Variants in UNC13C observed in about 807,000 individuals in gnomAD.
The protein encoded by UNC13C is unc-13 homolog C, also known as protein unc-13 homolog C.
A neutral mutation model predicts 245.4 loss-of-function variants in UNC13C; 174 were observed. The observed-to-expected ratio is 0.71, with a 90% CI of 0.63 to 0.80. The LOEUF (loss-of-function observed/expected upper bound fraction) is 0.80, where lower values mean the gene tolerates loss of function less well. Among genes scored for constraint, UNC13C ranks in the 30% least tolerant of loss-of-function variants. The pLI, the probability that UNC13C is intolerant of heterozygous loss-of-function variation, is 0.00. For synonymous variants in UNC13C, 992 were observed against 895.1 expected, an observed-to-expected ratio of 1.11 and a Z score of -1.93; for missense variants, 2,829 against 2,602.9, an observed-to-expected ratio of 1.09 and a Z score of -1.89.
intron 13 of UNC13C, among the ~76,000 whole-genome samples, chr15:54,315,219 T>C (rs752455155): frequency 2.4e-4 from 37 of 151,934 alleles, no homozygotes; most frequent in Non-Finnish European, 5.0e-4. Flanking sequence ...GGTTTGGCCT[T>C]GACCTACTTT....
intron 20 of UNC13C, among the ~76,000 whole-genome samples, chr15:54,499,714 A>G (rs1894112515): frequency 6.6e-6 from 1 of 152,182 alleles, no homozygotes; most frequent in Non-Finnish European, 1.5e-5. Flanking sequence ...ATTAGTGTGA[A>G]TGGGTAGAAG....
At chr15:54,553,206 T>C (rs1198434337) in intron 28 of UNC13C, among the ~76,000 whole-genome samples, 4 of 115,360 alleles carry the variant, frequency 3.5e-5, no homozygotes, top group African/African-American at 1.4e-4. Flanking sequence ...CTGTATTCTA[T>C]ATTACAATAT....
chr15:54,245,634 C>T (rs1403571953), intron 7 of UNC13C, among the ~76,000 whole-genome samples: 1 of 152,048 alleles, frequency 6.6e-6, no homozygotes, highest in African/African-American at 2.4e-5. Context: ...ATTGCTCTGT[C>T]TTCATGTTTA....
rs564820185 is a variant in UNC13C at position 54,436,768 on chromosome 15, C to T, written c.4933+21701C>T. On this transcript the variant is annotated intron_variant, in intron 19 of 32. Transcript: ENST00000260323. Reference sequence around the variant, plus strand: ...ATGAGTGCAGCAAACCACCATGGCACGTGTATACCTATGTAACAAACCTGC... The same window carrying T: ...ATGAGTGCAGCAAACCACCATGGCATGTGTATACCTATGTAACAAACCTGC... 1.4e-4 allele frequency among the ~76,000 whole-genome samples: 21 copies of T among 151,730 alleles called. No individual in the cohort carries two copies. In the South Asian group the frequency reaches 2.3e-3, roughly 17 times the overall value.
intron 30 of UNC13C, among the ~76,000 whole-genome samples, chr15:54,570,780 C>A (rs1293238264): frequency 2.6e-5 from 4 of 152,120 alleles, no homozygotes. Flanking sequence ...AGATACAATA[C>A]TTATTTCTGT....
chr15:54,015,175 A>G lies in UNC13C; in HGVS notation c.2272A>G (p.Met758Val), dbSNP rs765152238. The change falls in exon 2 of 33, where the codon ATG becomes GTG. Residue 758 changes from methionine (M) to valine (V), a missense_variant. By Grantham distance (21) the Met-to-Val change is conservative. Transcript: ENST00000260323. ...ATACCAAAATCAAAACCAGTTGTCCATGATGTATCGAAGTCAAAGTGAATT... is the reference window on the plus strand; with the variant it reads ...ATACCAAAATCAAAACCAGTTGTCCGTGATGTATCGAAGTCAAAGTGAATT... ...ELYQNQNQLS[M>V]MYRSQSELQS... 6.2e-7 allele frequency: 1 copy of G among 1,612,906 alleles called. No individual in the cohort carries two copies. Among genetic ancestry groups the G allele is most frequent in the South Asian group, 1.1e-5 (1 of 90,860 alleles).
At chr15:54,244,441 T>C (rs2035939212) in intron 7 of UNC13C, among the ~76,000 whole-genome samples, 1 of 152,148 alleles carries the variant, frequency 6.6e-6, no homozygotes, top group Admixed American at 6.6e-5. Context: ...CTTAGGATTG[T>C]CTTGGTTATT....
intron 4 of UNC13C, among the ~76,000 whole-genome samples, chr15:54,201,950 A>G (rs1190437703): frequency 6.6e-6 from 1 of 152,066 alleles, no homozygotes; most frequent in Non-Finnish European, 1.5e-5. Flanking sequence ...AGAACTGGTA[A>G]ATGAATTCGG....
the UNC13C span, among the ~76,000 whole-genome samples, chr15:53,930,338 G>A: frequency 6.6e-6 from 1 of 152,116 alleles, no homozygotes; most frequent in African/African-American, 2.4e-5. Flanking sequence ...CATTCTATTG[G>A]TCAAAGCAAA....
At chr15:54,016,018 G>C in intron 2 of UNC13C, 132 bp downstream of exon 2, 1 of 802,734 alleles carries the variant, frequency 1.2e-6, no homozygotes, top group Non-Finnish European at 1.9e-6. Context: ...TTACTCTGAG[G>C]AGCATTTTGT....
At chr15:54,585,189 T>C (rs1898422971) in intron 30 of UNC13C, among the ~76,000 whole-genome samples, 1 of 152,156 alleles carries the variant, frequency 6.6e-6, no homozygotes, top group African/African-American at 2.4e-5. Context: ...GTGTTGGAGG[T>C]AGGGCCTGCT....
chr15:54,173,943 C>T (rs28450408), intron 4 of UNC13C, among the ~76,000 whole-genome samples: 22,200 of 151,834 alleles, frequency 0.15, 3,075 homozygotes, highest in African/African-American at 0.36. Context: ...TTTATATATC[C>T]ATTGAGATTA....
chr15:54,472,712 A>G (rs1892526589), intron 19 of UNC13C, among the ~76,000 whole-genome samples: 1 of 151,810 alleles, frequency 6.6e-6, no homozygotes, highest in Admixed American at 6.6e-5. Flanking sequence ...TGAGTATATC[A>G]TCTCACTTAC....
chr15:54,140,829 G>A (rs1280720762), intron 2 of UNC13C, among the ~76,000 whole-genome samples: 2 of 61,012 alleles, frequency 3.3e-5, no homozygotes, highest in African/African-American at 1.2e-4. Context: ...TGGGTTTTAA[G>A]AAGGAGAGTG....
intron 26 of UNC13C, among the ~76,000 whole-genome samples, chr15:54,538,881 C>G (rs1644476437): frequency 6.6e-6 from 1 of 151,826 alleles, no homozygotes; most frequent in African/African-American, 2.4e-5. Flanking sequence ...GAATCAAAAA[C>G]TACGTATTGG....
At chr15:54,089,665 T>A in intron 2 of UNC13C, among the ~76,000 whole-genome samples, 1 of 137,602 alleles carries the variant, frequency 7.3e-6, no homozygotes, top group South Asian at 2.7e-4. Context: ...AATATCTTTT[T>A]TTTTTTTTTT....
At chr15:54,240,846 C>A (rs183139035) in intron 7 of UNC13C, among the ~76,000 whole-genome samples, 12 of 152,322 alleles carry the variant, frequency 7.9e-5, no homozygotes, top group African/African-American at 2.6e-4. Context: ...GTTTCACAGA[C>A]TGATAATTTC....
the UNC13C span, among the ~76,000 whole-genome samples, chr15:53,904,306 G>C: frequency 6.6e-6 from 1 of 151,970 alleles, no homozygotes; most frequent in South Asian, 2.1e-4. Context: ...TTACTCAAGT[G>C]ATAAAACATT....
intron 17 of UNC13C, among the ~76,000 whole-genome samples, chr15:54,390,957 T>C (rs978351076): frequency 2.0e-5 from 3 of 152,118 alleles, no homozygotes; most frequent in Non-Finnish European, 4.4e-5. Flanking sequence ...GTTTGATTTA[T>C]TCTAATGCAA....
Sources: gnomAD v4.1 joint callset for allele counts (sites outside exome capture counted in the v4.1 genomes callset) on GRCh38, gnomAD v4.1.1 for gene constraint, MANE v1.5 for transcripts, NCBI Gene and HGNC (gene_info 2026-07-23, HGNC 2026-07-21) for gene names.